The following KLF12 variants were observed in gnomAD, a reference collection of about 807,000 sequenced individuals.
KLF12 encodes KLF transcription factor 12.
Under a neutral mutation model 37.8 loss-of-function variants are expected in KLF12, and 9 were observed. The ratio of observed to expected loss-of-function variants is 0.24; its 90% confidence interval spans 0.14 to 0.42. The LOEUF (loss-of-function observed/expected upper bound fraction) is 0.42, where lower values mean the gene tolerates loss of function less well. Among genes scored for constraint, KLF12 ranks in the 10% least tolerant of loss-of-function variants. The pLI is 1.00. For missense variants in KLF12, 411 were observed against 516.0 expected (o/e 0.80, Z 1.97); for synonymous variants, 208 against 202.1 (o/e 1.03, Z -0.25).
chr13:73,915,958 A>T (rs1888807704), intron 3 of KLF12, among the ~76,000 whole-genome samples: 1 of 151,984 alleles, frequency 6.6e-6, no homozygotes, highest in African/African-American at 2.4e-5. Context: ...TGAGAAGGAA[A>T]CTTGAGAAAT....
At chr13:74,304,923 C>T in the KLF12 span, among the ~76,000 whole-genome samples, 3 of 152,164 alleles carry the variant, frequency 2.0e-5, no homozygotes, top group South Asian at 6.2e-4. Context: ...TTCCGCATTG[C>T]CGAGGATAAT....
chr13:73,754,603 A>C (rs1879016371), intron 6 of KLF12, among the ~76,000 whole-genome samples: 1 of 152,174 alleles, frequency 6.6e-6, no homozygotes, highest in Admixed American at 6.5e-5. Context: ...CTTCCAAATA[A>C]CTGAGATTAT....
the KLF12 span, among the ~76,000 whole-genome samples, chr13:74,182,030 A>G: frequency 5.3e-5 from 8 of 152,230 alleles, no homozygotes; most frequent in Admixed American, 4.6e-4. Flanking sequence ...TTCACAGTTG[A>G]AATGGCATAC....
chr13:73,823,211 A>G lies in KLF12; in HGVS notation c.671-9924T>C, dbSNP rs548968009. On this transcript the variant is annotated intron_variant, in intron 4 of 7. Coordinates refer to ENST00000377669, the MANE Select transcript of KLF12 (RefSeq NM_007249.5). Reference sequence around the variant, plus strand: ...TTAAGGCAGATTAAAATCTGTTATAATAATTTTAAGTATCACCAAATCACA... The same window carrying G: ...TTAAGGCAGATTAAAATCTGTTATAGTAATTTTAAGTATCACCAAATCACA... 2.0e-5 allele frequency among the ~76,000 whole-genome samples: 3 copies of G among 152,288 alleles called. No individual in the cohort carries two copies. In the East Asian group the frequency reaches 5.8e-4, roughly 29 times the overall value.
chr13:73,744,649 G>A (rs1878240634), intron 6 of KLF12, among the ~76,000 whole-genome samples: 1 of 152,088 alleles, frequency 6.6e-6, no homozygotes, highest in South Asian at 2.1e-4. Context: ...TAGAGCCCCA[G>A]GGCTTCAGGA....
chr13:74,134,189 G>GC (rs1878436747), upstream of KLF12, among the ~76,000 whole-genome samples: 1 of 151,920 alleles, frequency 6.6e-6, no homozygotes, highest in African/African-American at 2.4e-5. Context: ...TGCTGTGAGG[G>GC]GGGGGGCCGA....
chr13:74,058,610 C>T (rs1163961742), intron 1 of KLF12, among the ~76,000 whole-genome samples: 1 of 150,644 alleles, frequency 6.6e-6, no homozygotes, highest in African/African-American at 2.4e-5. Context: ...CCCACCTCGG[C>T]CTCCCAAAGT....
Position 73,695,575 on chromosome 13 carries a change from T to C in KLF12, c.1124A>G (p.Lys375Arg), listed in dbSNP as rs775701056. The C allele has an allele frequency of 6.2e-7, 1 of 1,614,094 alleles. No homozygotes were observed. The highest frequency in any genetic ancestry group is 8.5e-7 in the Non-Finnish European group (1 of 1,179,966). The change falls in exon 8 of 8, where the codon AAG (lysine) becomes AGG (arginine). Residue 375 changes from lysine to arginine, a missense_variant. Lys to Arg is a conservative substitution (Grantham distance 26, BLOSUM62 2). Around this residue, in one of 2 missense-constraint regions of KLF12, gnomAD observed 60 missense variants for 118.2 expected, o/e 0.51. Transcript: ENST00000377669. ...ATCACAGTCCGCGCACTTGAATGGC[T>C]TCACTCCCGTATGTTTGCGGTAATG...
At chr13:74,133,286 C>G (rs1182760138) in intron 1 of KLF12, among the ~76,000 whole-genome samples, 1 of 152,066 alleles carries the variant, frequency 6.6e-6, no homozygotes. Context: ...CCACCCCGCT[C>G]GAGGCCGGGG....
chr13:73,945,135 C>T (rs747926135), intron 2 of KLF12, among the ~76,000 whole-genome samples: 1 of 152,136 alleles, frequency 6.6e-6, no homozygotes, highest in Non-Finnish European at 1.5e-5. Context: ...CAGGTGTTCA[C>T]CTTTAATATG....
At chr13:73,924,368 T>C (rs1889276101) in intron 3 of KLF12, among the ~76,000 whole-genome samples, 1 of 152,214 alleles carries the variant, frequency 6.6e-6, no homozygotes, top group Non-Finnish European at 1.5e-5. Flanking sequence ...GTCTCTGTCT[T>C]ACATTTTGGT....
Position 73,765,086 on chromosome 13 carries a change from T to G in KLF12, c.807-86A>C. 8.9e-6 allele frequency: 7 copies of G among 785,908 alleles called. No individual in the cohort carries two copies. In the South Asian group the frequency reaches 1.3e-4, roughly 14 times the overall value. 48.7% of individuals were successfully genotyped at this position (785,908 alleles called of 1,614,324 possible). A position where few individuals can be genotyped will look rare whatever the true frequency, so the allele number is the denominator to read the frequency against. On this transcript the variant is annotated intron_variant, in intron 5 of 7. Coordinates refer to ENST00000377669, the MANE Select transcript of KLF12 (RefSeq NM_007249.5). ...AAAAATGGCATGTTTTATAAATAAT[T>G]TCTTTTAGAATTGCTTAATACAAAA... is the stretch of plus-strand genomic sequence containing the variant.
chr13:74,090,121 A>C (rs945834502), intron 1 of KLF12, among the ~76,000 whole-genome samples: 1 of 152,094 alleles, frequency 6.6e-6, no homozygotes, highest in African/African-American at 2.4e-5. Flanking sequence ...ATATACAAAA[A>C]TCAATACACC....
intron 1 of KLF12, among the ~76,000 whole-genome samples, chr13:74,028,247 T>A (rs1243380430): frequency 2.0e-5 from 3 of 152,204 alleles, no homozygotes; most frequent in African/African-American, 7.2e-5. Flanking sequence ...GGAAACACGA[T>A]TTATAATCTA....
chr13:74,110,649 A>C (rs1876917853), intron 1 of KLF12, among the ~76,000 whole-genome samples: 2 of 152,122 alleles, frequency 1.3e-5, no homozygotes, highest in Admixed American at 1.3e-4. Context: ...CCTGGAAATA[A>C]ATGGATTCTA....
chr13:73,714,510 G>A (rs765509569), intron 7 of KLF12, among the ~76,000 whole-genome samples: 9 of 152,140 alleles, frequency 5.9e-5, no homozygotes, highest in African/African-American at 2.4e-5. Context: ...ATGTTTTACC[G>A]GGAATGTGTG....
chr13:74,040,073 C>G (rs1196319443), intron 1 of KLF12, among the ~76,000 whole-genome samples: 4 of 152,082 alleles, frequency 2.6e-5, no homozygotes, highest in African/African-American at 7.2e-5. Flanking sequence ...TATATAGGAC[C>G]CTTTCTTCAA....
At chr13:74,185,786 A>G in the KLF12 span, among the ~76,000 whole-genome samples, 1 of 152,092 alleles carries the variant, frequency 6.6e-6, no homozygotes, top group Non-Finnish European at 1.5e-5. Context: ...AGCTGGGATT[A>G]CAGCCACGTG....
chr13:73,943,229 G>A (rs1055879185), intron 3 of KLF12, among the ~76,000 whole-genome samples: 16 of 152,156 alleles, frequency 1.1e-4, no homozygotes, highest in African/African-American at 3.6e-4. Context: ...CTCAGTGGTG[G>A]TGGTTTAATA....
Sources: gnomAD v4.1 joint callset for allele counts (sites outside exome capture counted in the v4.1 genomes callset) on GRCh38, gnomAD v4.1.1 for gene constraint, gnomAD v4.1.1 regional missense constraint, MANE v1.5 for transcripts, NCBI Gene and HGNC (gene_info 2026-07-23, HGNC 2026-07-21) for gene names.